ADAMTSL1: variants seen among roughly 807,000 people sequenced by gnomAD.
ADAMTSL1 encodes the protein ADAMTS-like protein 1.
ADAMTSL1 carries 126 observed loss-of-function variants against 201.8 expected under a neutral mutation model. That is an observed-to-expected ratio of 0.62 (90% CI 0.54 to 0.72). The LOEUF (loss-of-function observed/expected upper bound fraction) is 0.72. Ranked by LOEUF, ADAMTSL1 falls within the 30% of genes least tolerant of loss-of-function variation. ADAMTSL1 has a pLI of 0.00. For synonymous variants in ADAMTSL1, 1,121 were observed against 903.4 expected, an observed-to-expected ratio of 1.24 and a Z score of -4.32; for missense variants, 2,679 against 2,277.8, an observed-to-expected ratio of 1.18 and a Z score of -3.59.
At chr9:18,006,626 C>G (rs1819840151) in intron 1 of ADAMTSL1, among the ~76,000 whole-genome samples, 1 of 152,002 alleles carries the variant, frequency 6.6e-6, no homozygotes, top group Non-Finnish European at 1.5e-5. Context: ...CCCATGGTCT[C>G]TCTTGGCCTC....
intron 1 of ADAMTSL1, among the ~76,000 whole-genome samples, chr9:17,999,193 T>C (rs1402931013): frequency 1.3e-5 from 2 of 152,058 alleles, no homozygotes; most frequent in Non-Finnish European, 2.9e-5. Flanking sequence ...AAAATGTACA[T>C]ATGGCATTAA....
rs750296540 is a variant in ADAMTSL1 at position 18,626,805 on chromosome 9, T to TTTTCTTTC, written c.601+4455_601+4462dup. Among the ~76,000 whole-genome samples the TTTTCTTTC allele has an allele frequency of 1.7e-4, 24 of 141,804 alleles. 1 individual carries two copies. The highest frequency in any genetic ancestry group is 7.9e-4 in the Admixed American group (11 of 13,926). The allele number at this position is 141,804 out of a possible 152,430, so 93.0% of individuals were successfully genotyped here. A position where few individuals can be genotyped will look rare whatever the true frequency, so the allele number is the denominator to read the frequency against. ...CATAGATATACTGCACCTGTATTTATTTTCTTTCTTTCTTTCTTTCTTTCT... is the reference window on the plus strand; with the variant it reads ...CATAGATATACTGCACCTGTATTTATTTTCTTTCTTTCTTTCTTTCTTTCTTTCTTTCT... On this transcript the variant is annotated intron_variant, in intron 5 of 28. Transcript: ENST00000380548.
upstream of ADAMTSL1, among the ~76,000 whole-genome samples, chr9:18,470,309 G>GTGT (rs892612936): frequency 7.2e-5 from 11 of 152,200 alleles, no homozygotes; most frequent in Admixed American, 1.3e-4. Flanking sequence ...AATGGCTTTG[G>GTGT]TGTTAAATAG....
intron 2 of ADAMTSL1, among the ~76,000 whole-genome samples, chr9:18,294,684 G>A (rs1030973485): frequency 2.0e-5 from 3 of 152,132 alleles, no homozygotes; most frequent in African/African-American, 7.2e-5. Context: ...AGACTCCAGA[G>A]GGGGCTCTGA....
chr9:18,896,650 C>A (rs568542279), intron 26 of ADAMTSL1, among the ~76,000 whole-genome samples: 2 of 152,314 alleles, frequency 1.3e-5, no homozygotes, highest in Admixed American at 1.3e-4. Context: ...CTTCACCCCC[C>A]AGCCAAGGGA....
intron 13 of ADAMTSL1, among the ~76,000 whole-genome samples, chr9:18,689,843 G>T (rs1294432332): frequency 2.0e-5 from 3 of 152,218 alleles, no homozygotes; most frequent in Non-Finnish European, 4.4e-5. Flanking sequence ...GGTAGTCCTT[G>T]TGCCTTGATC....
chr9:18,441,820 A>G (rs1820005625), intron 2 of ADAMTSL1, among the ~76,000 whole-genome samples: 1 of 152,226 alleles, frequency 6.6e-6, no homozygotes, highest in Non-Finnish European at 1.5e-5. Flanking sequence ...TTGAGAGAAT[A>G]CAGTTTTGAT....
At chr9:18,849,332 C>T (rs1826335975) in intron 23 of ADAMTSL1, among the ~76,000 whole-genome samples, 1 of 152,158 alleles carries the variant, frequency 6.6e-6, no homozygotes. Context: ...TTCCTATAGC[C>T]TGGATTTTTC....
chr9:18,876,391 T>A (rs1337309378), intron 23 of ADAMTSL1, among the ~76,000 whole-genome samples: 1 of 151,786 alleles, frequency 6.6e-6, no homozygotes, highest in Non-Finnish European at 1.5e-5. Context: ...TTGGTGTATT[T>A]TGAGGATTTG....
rs570507242 is a variant in ADAMTSL1 at position 18,553,703 on chromosome 9, C to G, written c.238-20327C>G. Among the ~76,000 whole-genome samples the G allele has an allele frequency of 3.3e-5, 5 of 151,932 alleles. No individual in the cohort carries two copies. In the East Asian group the frequency reaches 5.8e-4, roughly 18 times the overall value. ...AGTTAGTTTTGCAGTGAACTTAACT[C>G]TACGTTGACAGTTATCTTGTCTCAA... is the stretch of plus-strand genomic sequence containing the variant. On this transcript the variant is annotated intron_variant, in intron 3 of 28. Coordinates refer to ENST00000380548, the MANE Select transcript of ADAMTSL1 (RefSeq NM_001040272.6).
At chr9:18,151,162 T>C (rs1401499991) in intron 1 of ADAMTSL1, among the ~76,000 whole-genome samples, 1 of 152,056 alleles carries the variant, frequency 6.6e-6, no homozygotes, top group Non-Finnish European at 1.5e-5. Context: ...ATCTGTGACC[T>C]TAATGCATGA....
chr9:18,286,247 G>T (rs1832989709), intron 2 of ADAMTSL1, among the ~76,000 whole-genome samples: 1 of 152,048 alleles, frequency 6.6e-6, no homozygotes, highest in East Asian at 1.9e-4. Flanking sequence ...CAGAAACCTA[G>T]TTATGATTCT....
chr9:18,605,544 C>T (rs1256862679), intron 4 of ADAMTSL1, among the ~76,000 whole-genome samples: 2 of 152,148 alleles, frequency 1.3e-5, no homozygotes, highest in African/African-American at 4.8e-5. Flanking sequence ...TTCTGCACTC[C>T]ACCTTGGGAA....
At chr9:18,181,324 G>C (rs961901283) in intron 2 of ADAMTSL1, among the ~76,000 whole-genome samples, 1 of 152,114 alleles carries the variant, frequency 6.6e-6, no homozygotes, top group African/African-American at 2.4e-5. Context: ...CACAGCAAAA[G>C]AAATTACCAT....
At chr9:18,176,669 A>G (rs1404774642) in intron 2 of ADAMTSL1, among the ~76,000 whole-genome samples, 2 of 152,168 alleles carry the variant, frequency 1.3e-5, no homozygotes, top group African/African-American at 4.8e-5. Flanking sequence ...ACAACCATTT[A>G]CTGAGCATCA....
chr9:18,279,180 G>C (rs1832694090), intron 2 of ADAMTSL1, among the ~76,000 whole-genome samples: 1 of 152,056 alleles, frequency 6.6e-6, no homozygotes, highest in Non-Finnish European at 1.5e-5. Flanking sequence ...TTCCAGAACT[G>C]CCCACATATA....
In ADAMTSL1 at chr9:18,254,824, C is replaced by G. The variant is rs185262682; in HGVS notation, c.207+90843C>G. ...GGCAAGAAGGGGAAAATTTTGTCGG[C>G]TTTGCTAATTTACTTTGTTAAACTT... On this transcript the variant is annotated intron_variant, in intron 2 of 29. Transcript: ENST00000680146. Among the ~76,000 whole-genome samples the G allele has an allele frequency of 2.0e-4, 30 of 152,126 alleles. No individual in the cohort carries two copies. The East Asian group carries it at 5.8e-3, about 30-fold the overall frequency.
chr9:18,272,218 T>A (rs1362576940), intron 2 of ADAMTSL1, among the ~76,000 whole-genome samples: 3 of 152,162 alleles, frequency 2.0e-5, no homozygotes, highest in Non-Finnish European at 2.9e-5. Context: ...ACTACAAGGC[T>A]ACAGTAACCA....
At chr9:18,706,692 T>C in intron 13 of ADAMTSL1, 55 bp from the exon 14 acceptor site, 1 of 1,499,380 alleles carries the variant, frequency 6.7e-7, no homozygotes, top group Non-Finnish European at 9.0e-7. Context: ...ACAGCCCCCA[T>C]GGCTTCCTGC....
Sources: allele counts gnomAD v4.1 joint callset (sites outside exome capture counted in the v4.1 genomes callset), GRCh38; gene constraint gnomAD v4.1.1; transcripts MANE v1.5; gene names NCBI Gene and HGNC (gene_info 2026-07-23, HGNC 2026-07-21).